The following GPHN variants were observed in gnomAD, a reference collection of about 807,000 sequenced individuals.
GPHN encodes the protein gephyrin.
A neutral mutation model predicts 95.5 loss-of-function variants in GPHN; 17 were observed. The ratio of observed to expected loss-of-function variants is 0.18; its 90% confidence interval spans 0.12 to 0.27. GPHN has a LOEUF of 0.27. Ranked by LOEUF, GPHN falls within the 10% of genes least tolerant of loss-of-function variation. The pLI is 1.00. For synonymous variants in GPHN, 320 were observed against 322.5 expected (o/e 0.99, Z 0.08); for missense variants, 660 against 978.1 (o/e 0.67, Z 4.34).
chr14:67,615,540 T>C, the GPHN span: 4 of 472,904 alleles, frequency 8.5e-6, no homozygotes, highest in East Asian at 1.4e-4. Context: ...ATGTATTTTG[T>C]GTGCAAACTT....
chr14:67,491,308 T>C, the GPHN span, among the ~76,000 whole-genome samples: 1 of 152,176 alleles, frequency 6.6e-6, no homozygotes, highest in East Asian at 1.9e-4. Flanking sequence ...TCAAATCTTA[T>C]TCAAGAGTTT....
chr14:67,394,577 A>G, the GPHN span, among the ~76,000 whole-genome samples: 1 of 151,954 alleles, frequency 6.6e-6, no homozygotes, highest in East Asian at 1.9e-4. Context: ...GGAGGTGTAC[A>G]GTCAAGATTT....
At chr14:67,430,685 C>A in the GPHN span, among the ~76,000 whole-genome samples, 3 of 151,996 alleles carry the variant, frequency 2.0e-5, no homozygotes, top group Non-Finnish European at 4.4e-5. Context: ...AGTGAGTGAC[C>A]GGTGCAATAT....
chr14:67,483,829 C>G, the GPHN span, among the ~76,000 whole-genome samples: 8 of 152,194 alleles, frequency 5.3e-5, no homozygotes, highest in African/African-American at 1.9e-4. Flanking sequence ...AGAGGAGCAA[C>G]AGCCAGCATG....
At chr14:66,837,934 A>G (rs2061920718) in intron 4 of GPHN, among the ~76,000 whole-genome samples, 2 of 152,144 alleles carry the variant, frequency 1.3e-5, no homozygotes, top group African/African-American at 2.4e-5. Flanking sequence ...GCAAGTGTAG[A>G]TGCAAGTGAT....
chr14:67,585,817 C>T, the GPHN span: 9 of 1,084,382 alleles, frequency 8.3e-6, no homozygotes, highest in Non-Finnish European at 1.1e-5. Context: ...TGTAGATATT[C>T]AAGATGGAGA....
intron 21 of GPHN, among the ~76,000 whole-genome samples, chr14:67,176,544 T>G (rs1056232934): frequency 6.6e-6 from 1 of 152,156 alleles, no homozygotes; most frequent in African/African-American, 2.4e-5. Flanking sequence ...TCTCTTTTTT[T>G]GTTGTGTCTC....
chr14:66,546,643 G>C (rs1195816026), intron 1 of GPHN, among the ~76,000 whole-genome samples: 1 of 152,102 alleles, frequency 6.6e-6, no homozygotes, highest in African/African-American at 2.4e-5. Flanking sequence ...GTGGCGGCGC[G>C]TGCCTGCAAT....
At chr14:66,639,202 G>T (rs1250687053) in intron 1 of GPHN, among the ~76,000 whole-genome samples, 1 of 151,538 alleles carries the variant, frequency 6.6e-6, no homozygotes, top group East Asian at 1.9e-4. Flanking sequence ...GTAATTATAA[G>T]TGGTGTTATA....
intron 4 of GPHN, among the ~76,000 whole-genome samples, chr14:66,832,420 A>G (rs552028229): frequency 1.3e-5 from 2 of 152,304 alleles, no homozygotes; most frequent in East Asian, 1.9e-4. Context: ...GCTACTAACC[A>G]TTGTGCTTCT....
the GPHN span, among the ~76,000 whole-genome samples, chr14:67,554,866 C>G: frequency 3.9e-5 from 6 of 152,208 alleles, no homozygotes; most frequent in African/African-American, 7.2e-5. Flanking sequence ...CCATGCTCCT[C>G]AGCCTTGAGT....
chr14:67,619,747 G>A, the GPHN span: 1 of 506,812 alleles, frequency 2.0e-6, no homozygotes, highest in African/African-American at 2.0e-5. Flanking sequence ...CCAGAGTGGG[G>A]TGACGTCATC....
the GPHN span, among the ~76,000 whole-genome samples, chr14:67,459,036 C>T: frequency 1.3e-5 from 2 of 152,090 alleles, no homozygotes; most frequent in African/African-American, 4.8e-5. Flanking sequence ...TACAGGCACC[C>T]GCCACCATGC....
intron 9 of GPHN, among the ~76,000 whole-genome samples, chr14:66,993,146 CAT>C (rs2071545097): frequency 6.6e-6 from 1 of 152,110 alleles, no homozygotes; most frequent in Non-Finnish European, 1.5e-5. Context: ...TACAAGGAAG[CAT>C]ATGTTTGGAA....
chr14:67,295,653 A>G, the GPHN span, among the ~76,000 whole-genome samples: 1 of 152,206 alleles, frequency 6.6e-6, no homozygotes, highest in Middle Eastern at 3.2e-3. Flanking sequence ...TTAAAACATA[A>G]TGAGATACAG....
At chr14:66,671,335 T>G (rs975386826) in intron 1 of GPHN, among the ~76,000 whole-genome samples, 1 of 152,204 alleles carries the variant, frequency 6.6e-6, no homozygotes, top group African/African-American at 2.4e-5. Flanking sequence ...TATGGAAATT[T>G]CCTTTCAGTT....
intron 17 of GPHN, among the ~76,000 whole-genome samples, chr14:67,140,890 C>T (rs911767354): frequency 4.6e-5 from 7 of 151,970 alleles, no homozygotes; most frequent in African/African-American, 1.7e-4. Context: ...GTTCAAAATA[C>T]ATAGGTCAAA....
chr14:67,244,258 T>G, the GPHN span, among the ~76,000 whole-genome samples: 4 of 152,240 alleles, frequency 2.6e-5, no homozygotes, highest in Non-Finnish European at 5.9e-5. Flanking sequence ...AGAATGTATG[T>G]ATACCTACCT....
intron 5 of GPHN, among the ~76,000 whole-genome samples, chr14:66,898,092 G>A (rs1301100249): frequency 6.6e-6 from 1 of 151,840 alleles, no homozygotes; most frequent in African/African-American, 2.4e-5. Context: ...GTTTTTATGT[G>A]TTCTAGAAAC....
Sources: gnomAD v4.1 joint callset for allele counts (sites outside exome capture counted in the v4.1 genomes callset) on GRCh38, gnomAD v4.1.1 for gene constraint, MANE v1.5 for transcripts, NCBI Gene and HGNC (gene_info 2026-07-23, HGNC 2026-07-21) for gene names.